The following CDK13 variants were observed in gnomAD, a reference collection of about 807,000 sequenced individuals.
CDK13 encodes the protein cyclin-dependent kinase 13.
In CDK13, 40 loss-of-function variants were observed where a neutral mutation model predicts 137.6. The observed-to-expected ratio is 0.29, with a 90% CI of 0.23 to 0.38. The LOEUF (loss-of-function observed/expected upper bound fraction) is 0.38, where lower values mean the gene tolerates loss of function less well. Among genes scored for constraint, CDK13 ranks in the 10% least tolerant of loss-of-function variants. The probability of loss-of-function intolerance (pLI) is 1.00; values close to 1 mark genes in which losing one functional copy is unlikely to be tolerated. For synonymous variants in CDK13, 869 were observed against 760.1 expected (o/e 1.14, Z -2.36); for missense variants, 1,704 against 1,951.8 (o/e 0.87, Z 2.39).
intron 5 of CDK13, among the ~76,000 whole-genome samples, chr7:40,015,445 C>A (rs1784983719): frequency 6.6e-6 from 1 of 152,116 alleles, no homozygotes; most frequent in Admixed American, 6.5e-5. Flanking sequence ...AATTAGAATC[C>A]TATACTCTGT....
chr7:40,001,659 G>A (rs115581755), intron 4 of CDK13, among the ~76,000 whole-genome samples: 32 of 152,182 alleles, frequency 2.1e-4, no homozygotes, highest in African/African-American at 7.7e-4. Flanking sequence ...CCTGGTTTAT[G>A]TAAATATTCC....
At chr7:39,994,917 AAAC>A (rs1430544100) in intron 2 of CDK13, among the ~76,000 whole-genome samples, 2 of 151,980 alleles carry the variant, frequency 1.3e-5, no homozygotes, top group South Asian at 2.1e-4. Context: ...TTAAAAAAAA[AAAC>A]AACTCTTCCT....
At chr7:40,000,404 G>A (rs1163390436) in intron 4 of CDK13, among the ~76,000 whole-genome samples, 1 of 152,114 alleles carries the variant, frequency 6.6e-6, no homozygotes, top group African/African-American at 2.4e-5. Context: ...TTAGCCAGGT[G>A]TGGTGGTGGG....
chr7:40,096,157 G>A lies in CDK13; in HGVS notation c.*1177G>A, dbSNP rs563883629. 6.6e-6 allele frequency: 1 copy of A among 152,112 alleles called. No homozygotes were observed. Among genetic ancestry groups the A allele is most frequent in the Non-Finnish European group, 1.5e-5 (1 of 68,010 alleles). The allele number at this position is 152,112 out of a possible 1,614,324, so 9.4% of individuals were successfully genotyped here. A position where few individuals can be genotyped will look rare whatever the true frequency, so the allele number is the denominator to read the frequency against. On this transcript the variant is annotated 3_prime_UTR_variant, in exon 14 of 14. Transcript: ENST00000181839. ...AGGGGTGGCAAATACCGTATTTTAA[G>A]TTATGCAATTGCCCTTTTAAGAAAG...
intron 4 of CDK13, 38 bp from the exon 5 acceptor site, chr7:40,001,823 G>A: frequency 2.3e-6 from 3 of 1,302,818 alleles, no homozygotes; most frequent in Non-Finnish European, 3.3e-6. Context: ...ATCTGCTTTT[G>A]TTAACTGGTA....
At chr7:40,068,713 A>G (rs1191155248) in intron 9 of CDK13, among the ~76,000 whole-genome samples, 1 of 145,632 alleles carries the variant, frequency 6.9e-6, no homozygotes, top group African/African-American at 2.7e-5. Context: ...CTCAGAAAAA[A>G]AAAAAAAAAA....
chr7:40,060,514 A>C (rs1478345000), intron 7 of CDK13, among the ~76,000 whole-genome samples: 1 of 152,184 alleles, frequency 6.6e-6, no homozygotes, highest in Non-Finnish European at 1.5e-5. Context: ...AGGGCAATAT[A>C]CATTAAGGTG....
intron 4 of CDK13, 70 bp downstream of exon 4, chr7:39,999,570 T>A: frequency 7.0e-7 from 1 of 1,432,564 alleles, no homozygotes; most frequent in Middle Eastern, 1.8e-4. Flanking sequence ...TCTTCTGATG[T>A]TTGGCTTCAG....
intron 1 of CDK13, among the ~76,000 whole-genome samples, chr7:39,977,656 G>A (rs1394242003): frequency 6.6e-6 from 1 of 152,166 alleles, no homozygotes; most frequent in African/African-American, 2.4e-5. Context: ...ATTTTGTGAT[G>A]GCTGGACAAG....
At chr7:40,060,489 G>C (rs1584052708) in intron 7 of CDK13, among the ~76,000 whole-genome samples, 1 of 152,222 alleles carries the variant, frequency 6.6e-6, no homozygotes, top group East Asian at 1.9e-4. Flanking sequence ...TAAATCATGT[G>C]TCATCTAAAG....
At chr7:40,030,909 C>G (rs1785365298) in intron 5 of CDK13, among the ~76,000 whole-genome samples, 1 of 152,112 alleles carries the variant, frequency 6.6e-6, no homozygotes, top group Admixed American at 6.6e-5. Context: ...TTCGTTGAAC[C>G]ATTCACCCAC....
At chr7:39,993,163 AT>A (rs1554325916) in intron 2 of CDK13, among the ~76,000 whole-genome samples, 1 of 151,552 alleles carries the variant, frequency 6.6e-6, no homozygotes, top group Non-Finnish European at 1.5e-5. Context: ...GCACATGGTG[AT>A]TTTTTTTTCC....
At chr7:40,006,781 C>T (rs986827038) in intron 5 of CDK13, among the ~76,000 whole-genome samples, 1 of 152,114 alleles carries the variant, frequency 6.6e-6, no homozygotes, top group African/African-American at 2.4e-5. Flanking sequence ...GACTGTGTCT[C>T]AAATTATCTT....
At chr7:40,069,816 T>G (rs1215943607) in intron 9 of CDK13, 1 of 152,266 alleles carries the variant, frequency 6.6e-6, no homozygotes, top group Non-Finnish European at 1.5e-5. Flanking sequence ...GCACGGTGGC[T>G]CATACCTATA....
intron 1 of CDK13, chr7:39,984,086 A>G (rs910097936): frequency 1.3e-5 from 2 of 152,168 alleles, no homozygotes; most frequent in African/African-American, 2.4e-5. Flanking sequence ...GAATGTTTCT[A>G]AACACTTCCC....
chr7:40,055,580 T>A (rs1335181940), intron 7 of CDK13, among the ~76,000 whole-genome samples: 1 of 151,074 alleles, frequency 6.6e-6, no homozygotes, highest in Admixed American at 6.6e-5. Flanking sequence ...GGATTTTTTT[T>A]TTTTTTTTTT....
At chr7:39,959,216 G>C (rs1787526853) in intron 1 of CDK13, among the ~76,000 whole-genome samples, 1 of 151,480 alleles carries the variant, frequency 6.6e-6, no homozygotes, top group Non-Finnish European at 1.5e-5. Context: ...GCCCAGGCTG[G>C]AATGGTGCGA....
chr7:39,957,148 G>C (rs967080668), intron 1 of CDK13, among the ~76,000 whole-genome samples: 13 of 148,812 alleles, frequency 8.7e-5, no homozygotes, highest in Non-Finnish European at 1.3e-4. Context: ...TAGAGATGGT[G>C]TTTTACTGTG....
At chr7:40,004,723 G>C (rs1784761472) in intron 5 of CDK13, among the ~76,000 whole-genome samples, 1 of 152,188 alleles carries the variant, frequency 6.6e-6, no homozygotes, top group African/African-American at 2.4e-5. Flanking sequence ...TAAAATGAGT[G>C]TATTAGAACA....
Sources: gnomAD v4.1 joint callset for allele counts (sites outside exome capture counted in the v4.1 genomes callset) on GRCh38, gnomAD v4.1.1 for gene constraint, MANE v1.5 for transcripts, NCBI Gene and HGNC (gene_info 2026-07-23, HGNC 2026-07-21) for gene names.